Variants in CCDC85A observed in about 807,000 individuals in gnomAD.
CCDC85A encodes coiled-coil domain-containing protein 85A.
CCDC85A carries 38 observed loss-of-function variants against 50.2 expected under a neutral mutation model. That is an observed-to-expected ratio of 0.76 (90% CI 0.58 to 0.99). The LOEUF (loss-of-function observed/expected upper bound fraction) is 0.99, where lower values mean the gene tolerates loss of function less well. Ranked by LOEUF, CCDC85A falls within the 50% of genes least tolerant of loss-of-function variation. The pLI is 0.00. For synonymous variants in CCDC85A, 366 were observed against 301.4 expected, an observed-to-expected ratio of 1.21 and a Z score of -2.22; for missense variants, 820 against 742.0, an observed-to-expected ratio of 1.11 and a Z score of -1.22.
chr2:56,219,640 C>T (rs1668234562), intron 2 of CCDC85A, among the ~76,000 whole-genome samples: 1 of 151,780 alleles, frequency 6.6e-6, no homozygotes, highest in East Asian at 1.9e-4. Context: ...GCTTACCCTC[C>T]CCCATGCTTT....
intron 5 of CCDC85A, among the ~76,000 whole-genome samples, chr2:56,380,056 A>G (rs1676512498): frequency 6.6e-6 from 1 of 152,166 alleles, no homozygotes; most frequent in Admixed American, 6.6e-5. Flanking sequence ...TTTAGAGATG[A>G]TCAGCCAATT....
chr2:56,241,693 A>G (rs1438069295), intron 2 of CCDC85A, among the ~76,000 whole-genome samples: 1 of 152,180 alleles, frequency 6.6e-6, no homozygotes, highest in African/African-American at 2.4e-5. Context: ...ATAGTACTCC[A>G]TGGTATATAC....
chr2:56,306,629 A>T (rs2104210107), intron 2 of CCDC85A, among the ~76,000 whole-genome samples: 1 of 152,314 alleles, frequency 6.6e-6, no homozygotes, highest in Middle Eastern at 3.4e-3. Flanking sequence ...TAAATGCTTT[A>T]TTACTGTATA....
intron 2 of CCDC85A, among the ~76,000 whole-genome samples, chr2:56,338,481 C>A (rs531359990): frequency 3.8e-4 from 58 of 152,254 alleles, no homozygotes; most frequent in Admixed American, 5.9e-4. Flanking sequence ...CAAAAGGCTT[C>A]TTTCTTCTCT....
intron 3 of CCDC85A, among the ~76,000 whole-genome samples, chr2:56,369,297 G>A (rs1675959280): frequency 6.6e-6 from 1 of 152,092 alleles, no homozygotes; most frequent in African/African-American, 2.4e-5. Context: ...CTTAGAGAAT[G>A]TTGTACGTCT....
At chr2:56,324,948 C>G (rs1673393207) in intron 2 of CCDC85A, among the ~76,000 whole-genome samples, 1 of 151,826 alleles carries the variant, frequency 6.6e-6, no homozygotes, top group Non-Finnish European at 1.5e-5. Flanking sequence ...TTTTCTTTTT[C>G]ATTTATAATT....
chr2:56,235,091 T>C (rs1195423784), intron 2 of CCDC85A: 1 of 152,216 alleles, frequency 6.6e-6, no homozygotes, highest in Non-Finnish European at 1.5e-5. Flanking sequence ...ATACCATCAG[T>C]GAATTACATG....
chr2:56,332,947 T>A (rs887419631), intron 2 of CCDC85A, among the ~76,000 whole-genome samples: 7 of 152,110 alleles, frequency 4.6e-5, no homozygotes, highest in African/African-American at 1.7e-4. Context: ...ATAATTTCCT[T>A]AAGGGGAACT....
intron 2 of CCDC85A, among the ~76,000 whole-genome samples, chr2:56,224,121 C>G (rs1464318480): frequency 6.6e-6 from 1 of 152,158 alleles, no homozygotes; most frequent in African/African-American, 2.4e-5. Flanking sequence ...TAGTTATTTC[C>G]AATCTTCCCT....
intron 2 of CCDC85A, among the ~76,000 whole-genome samples, chr2:56,263,791 T>G (rs1387271779): frequency 1.3e-5 from 2 of 152,210 alleles, no homozygotes; most frequent in Non-Finnish European, 2.9e-5. Context: ...CTTCCCAGAC[T>G]TCTTTGCTTA....
chr2:56,297,389 G>T (rs1241937559), intron 2 of CCDC85A, among the ~76,000 whole-genome samples: 1 of 140,630 alleles, frequency 7.1e-6, no homozygotes. Flanking sequence ...GTCTTTGTAC[G>T]AGCCTTTTTT....
intron 2 of CCDC85A, among the ~76,000 whole-genome samples, chr2:56,318,797 A>G (rs1158934963): frequency 6.6e-6 from 1 of 152,050 alleles, no homozygotes; most frequent in East Asian, 1.9e-4. Context: ...TTTCACTCCT[A>G]TTTCAGATTC....
chr2:56,201,778 A>G (rs2103852631), intron 2 of CCDC85A, among the ~76,000 whole-genome samples: 1 of 152,318 alleles, frequency 6.6e-6, no homozygotes, highest in South Asian at 2.1e-4. Context: ...ATGCTAAAGA[A>G]TAGGAAGAAA....
intron 2 of CCDC85A, among the ~76,000 whole-genome samples, chr2:56,214,104 A>C (rs1677295628): frequency 6.8e-6 from 1 of 147,260 alleles, no homozygotes. Flanking sequence ...CTTCTAAGGA[A>C]AAAGATGACA....
chr2:56,308,298 A>G (rs568917560), intron 2 of CCDC85A, among the ~76,000 whole-genome samples: 1 of 152,146 alleles, frequency 6.6e-6, no homozygotes, highest in Non-Finnish European at 1.5e-5. Flanking sequence ...CACTCAAACT[A>G]TCTGGGACTA....
intron 2 of CCDC85A, among the ~76,000 whole-genome samples, chr2:56,220,704 C>T (rs1668288812): frequency 6.6e-6 from 1 of 152,014 alleles, no homozygotes; most frequent in South Asian, 2.1e-4. Context: ...TGTCAGTGTG[C>T]TTAATGACAG....
intron 2 of CCDC85A, among the ~76,000 whole-genome samples, chr2:56,330,810 A>G (rs1673751771): frequency 6.6e-6 from 1 of 152,224 alleles, no homozygotes; most frequent in Non-Finnish European, 1.5e-5. Flanking sequence ...GGAAAGTTGT[A>G]TAGAAATTTC....
intron 2 of CCDC85A, among the ~76,000 whole-genome samples, chr2:56,196,914 A>G (rs887188794): frequency 6.6e-6 from 1 of 150,664 alleles, no homozygotes; most frequent in Non-Finnish European, 1.5e-5. Flanking sequence ...GAATTGTTTA[A>G]TTATCCTGGT....
At chr2:56,357,640 G>C (rs1469864380) in intron 3 of CCDC85A, among the ~76,000 whole-genome samples, 1 of 144,976 alleles carries the variant, frequency 6.9e-6, no homozygotes, top group Non-Finnish European at 1.5e-5. Context: ...TCATGGAAGG[G>C]ATAGTGTCCA....
Sources: gnomAD v4.1 joint callset for allele counts (sites outside exome capture counted in the v4.1 genomes callset) on GRCh38, gnomAD v4.1.1 for gene constraint, MANE v1.5 for transcripts, NCBI Gene and HGNC (gene_info 2026-07-23, HGNC 2026-07-21) for gene names.